The following APTX variants were observed in gnomAD, a reference collection of about 807,000 sequenced individuals.
APTX encodes the protein forkhead-associated domain histidine triad-like protein.
In APTX, 33 loss-of-function variants were observed where a neutral mutation model predicts 42.3. The ratio of observed to expected loss-of-function variants is 0.78; its 90% CI spans 0.59 to 1.04. The LOEUF is 1.04. Among genes scored for constraint, APTX ranks in the 50% least tolerant of loss-of-function variants. The probability of loss-of-function intolerance (pLI) is 0.00; values close to 1 mark genes in which losing one functional copy is unlikely to be tolerated. For missense variants in APTX, 421 were observed against 415.1 expected, an observed-to-expected ratio of 1.01 and a Z score of -0.12; for synonymous variants, 130 against 146.7, an observed-to-expected ratio of 0.89 and a Z score of 0.82.
chr9:33,004,720 C>T (rs1837006878), upstream of APTX, among the ~76,000 whole-genome samples: 1 of 151,210 alleles, frequency 6.6e-6, no homozygotes, highest in African/African-American at 2.4e-5. Context: ...GCAACCTCCA[C>T]CTCGCGGCTT....
At position 33,023,221 on chromosome 9, in the gene APTX, AT is replaced by A. The variant is rs144638093; in HGVS notation, c.-5+1801del. On this transcript the variant is annotated intron_variant, in intron 1 of 6. Transcript: ENST00000436040. ...GAAGGCAGGGACCACGACTTATGTG[AT>A]TTTTTTTTTTTTCTGAGACTCGACA... 8.7e-3 allele frequency among the ~76,000 whole-genome samples: 1,248 copies of A among 143,336 alleles called. 12 individuals are homozygous for A. Among genetic ancestry groups the A allele is most frequent in the African/African-American group, 0.028 (1,109 of 39,338 alleles). 94.0% of individuals were successfully genotyped at this position (143,336 alleles called of 152,430 possible).
chr9:32,999,159 C>T (rs921016068), intron 1 of APTX, among the ~76,000 whole-genome samples: 12 of 152,266 alleles, frequency 7.9e-5, no homozygotes, highest in African/African-American at 2.9e-4. Flanking sequence ...AAAGGGATGA[C>T]CAAGTTCCAA....
intron 6 of APTX, among the ~76,000 whole-genome samples, chr9:32,980,863 G>C (rs1198189994): frequency 6.6e-6 from 1 of 152,216 alleles, no homozygotes; most frequent in Non-Finnish European, 1.5e-5. Context: ...TTTTGGACTT[G>C]TTAAACCAAG....
At chr9:33,007,787 A>C (rs1432406254) in intron 1 of APTX, among the ~76,000 whole-genome samples, 5 of 151,924 alleles carry the variant, frequency 3.3e-5, no homozygotes, top group Non-Finnish European at 7.4e-5. Context: ...AAAGTAGGTA[A>C]ACATGTTTTC....
chr9:33,019,466 G>A (rs930166161), intron 1 of APTX, among the ~76,000 whole-genome samples: 5 of 152,100 alleles, frequency 3.3e-5, no homozygotes, highest in Non-Finnish European at 5.9e-5. Flanking sequence ...ACTTTGTGCC[G>A]ATAAAAATTT....
intron 1 of APTX, among the ~76,000 whole-genome samples, chr9:33,014,907 C>A (rs577021369): frequency 2.0e-5 from 3 of 152,320 alleles, no homozygotes; most frequent in Admixed American, 6.5e-5. Context: ...CCAATCTGAT[C>A]TCCATTCTAG....
rs111499981 is a variant in APTX, at chr9:32,985,945, C to G, written c.543+26G>C. ...GTGGTCATTTACAACATGAAATGTA[C>G]TGAAATTCCAAAATTGTATTCTGAC... On this transcript the variant is annotated intron_variant, in intron 5 of 7. Transcript: ENST00000379817. 7.3e-4 allele frequency: 1,152 copies of G among 1,588,912 alleles called. 11 individuals carry two copies. The African/African-American group carries it at 0.014, about 20-fold the overall frequency.
intron 1 of APTX, among the ~76,000 whole-genome samples, chr9:33,018,118 A>ATTTT (rs557047910): frequency 1.9e-4 from 28 of 144,556 alleles, no homozygotes; most frequent in Non-Finnish European, 2.3e-4. Flanking sequence ...TTTTTATTTA[A>ATTTT]TTTTTTTTTT....
At chr9:32,973,775 G>T in intron 7 of APTX, 123 bp from the exon 8 acceptor site, 2 of 1,305,400 alleles carry the variant, frequency 1.5e-6, no homozygotes, top group Non-Finnish European at 2.2e-6. Flanking sequence ...GTATTCTACA[G>T]CTCCGTAAGC....
intron 6 of APTX, among the ~76,000 whole-genome samples, chr9:32,975,560 G>C (rs369394280): frequency 2.0e-5 from 3 of 152,102 alleles, no homozygotes; most frequent in African/African-American, 7.2e-5. Flanking sequence ...CTAACTGGGC[G>C]TGGTGGCAGG....
At chr9:33,022,002 C>G (rs7864363) in intron 1 of APTX, among the ~76,000 whole-genome samples, 89,113 of 150,378 alleles carry the variant, frequency 0.59, 27,783 homozygotes, top group African/African-American at 0.81. Flanking sequence ...AGTACTAGAC[C>G]TAACCTGTAA....
At chr9:33,021,627 A>T (rs183871702) in intron 1 of APTX, among the ~76,000 whole-genome samples, 74 of 152,330 alleles carry the variant, frequency 4.9e-4, no homozygotes, top group Admixed American at 4.1e-3. Context: ...GTTCAAGAAC[A>T]GCCTGGGCAA....
At chr9:33,004,244 G>A (rs1836962258), upstream of APTX, among the ~76,000 whole-genome samples, 1 of 152,140 alleles carries the variant, frequency 6.6e-6, no homozygotes. Context: ...CATACAGAGT[G>A]GTATAATGTT....
intron 5 of APTX, 84 bp from the exon 6 acceptor site, chr9:32,984,941 A>C: frequency 1.6e-6 from 2 of 1,263,346 alleles, no homozygotes; most frequent in South Asian, 2.4e-5. Flanking sequence ...TAAGTCACTT[A>C]ATTCCCACAG....
intron 1 of APTX, chr9:32,997,438 C>G (rs1296774633): frequency 1.3e-5 from 2 of 152,074 alleles, no homozygotes. Context: ...AAGCACAATG[C>G]TAGAGTACCC....
At chr9:33,023,194 T>C (rs1370338129) in intron 1 of APTX, among the ~76,000 whole-genome samples, 2 of 151,840 alleles carry the variant, frequency 1.3e-5, no homozygotes, top group Non-Finnish European at 2.9e-5. Context: ...TGTGAGCTCC[T>C]TGAAGGCAGG....
At chr9:32,989,943 C>T (rs779780637) in intron 1 of APTX, 48 bp from the exon 2 acceptor site, 47 of 1,585,290 alleles carry the variant, frequency 3.0e-5, no homozygotes, top group African/African-American at 1.2e-4. Flanking sequence ...TCCACTAGCA[C>T]GAGTCCTCCA....
chr9:33,013,151 A>G (rs2119244189), intron 1 of APTX, among the ~76,000 whole-genome samples: 1 of 152,324 alleles, frequency 6.6e-6, no homozygotes, highest in East Asian at 1.9e-4. Flanking sequence ...GACCATTACT[A>G]TTAGCAAACA....
chr9:33,001,478 T>A (rs1248985824), intron 1 of APTX, 89 bp downstream of exon 1: 14 of 1,601,128 alleles, frequency 8.7e-6, no homozygotes, highest in Non-Finnish European at 1.2e-5. Context: ...TCAAGGCACA[T>A]CACTCAAGGG....
Sources: gnomAD v4.1 joint callset for allele counts (sites outside exome capture counted in the v4.1 genomes callset) on GRCh38, gnomAD v4.1.1 for gene constraint, MANE v1.5 for transcripts, NCBI Gene and HGNC (gene_info 2026-07-23, HGNC 2026-07-21) for gene names.